TCF12: variants seen among roughly 807,000 people sequenced by gnomAD.
TCF12 encodes DNA-binding protein HTF4.
In TCF12, 45 loss-of-function variants were observed where a neutral mutation model predicts 86.0. The observed-to-expected ratio is 0.52, with a 90% confidence interval of 0.41 to 0.67. The LOEUF (loss-of-function observed/expected upper bound fraction) is 0.67, where lower values mean the gene tolerates loss of function less well. Among genes scored for constraint, TCF12 ranks in the 30% least tolerant of loss-of-function variants. The probability of loss-of-function intolerance (pLI) is 0.00; values close to 1 mark genes in which losing one functional copy is unlikely to be tolerated. For missense variants in TCF12, 881 were observed against 859.9 expected, an observed-to-expected ratio of 1.02 and a Z score of -0.31; for synonymous variants, 330 against 299.6, an observed-to-expected ratio of 1.10 and a Z score of -1.05.
At chr15:57,173,910 A>G (rs1315104454) in intron 6 of TCF12, among the ~76,000 whole-genome samples, 3 of 151,974 alleles carry the variant, frequency 2.0e-5, no homozygotes, top group African/African-American at 4.8e-5. Flanking sequence ...GTTTCACCAT[A>G]TTGGCCAGGC....
At chr15:57,134,699 T>C (rs2052390845) in intron 5 of TCF12, among the ~76,000 whole-genome samples, 1 of 152,200 alleles carries the variant, frequency 6.6e-6, no homozygotes, top group South Asian at 2.1e-4. Context: ...ATGAATCAGA[T>C]ACAATTAAGA....
In TCF12 at chr15:57,026,820, A is replaced by T. The variant is rs543916831; in HGVS notation, c.149-36930A>T. 3.9e-5 allele frequency among the ~76,000 whole-genome samples: 6 copies of T among 152,220 alleles called. No individual in the cohort carries two copies. In the South Asian group the frequency reaches 1.2e-3, roughly 32 times the overall value. ...CCCCTGCAGGTAACAAAATTTGTGG[A>T]TGCTGAAGGCCTTTATATAAAATGG... On this transcript the variant is annotated intron_variant, in intron 3 of 20. Coordinates refer to ENST00000333725, the MANE Select transcript of TCF12 (RefSeq NM_207037.2).
rs530253274 is a variant in TCF12, at chr15:57,094,187, C to T, written c.325+2296C>T. ...ATAGGCATGAGCCACCATGTCTGGC[C>T]CAGACCATACGTTTTATTTGTGAGT... is the stretch of plus-strand genomic sequence containing the variant. On this transcript the variant is annotated intron_variant, in intron 5 of 20. Transcript: ENST00000333725. Among the ~76,000 whole-genome samples, 26 of 152,160 alleles carry T rather than the reference C, an allele frequency of 1.7e-4. No individual in the cohort carries two copies. The East Asian group carries it at 3.3e-3, about 19-fold the overall frequency.
upstream of TCF12, chr15:56,918,455 C>T: frequency 2.9e-6 from 1 of 341,462 alleles, no homozygotes; most frequent in Non-Finnish European, 5.8e-6. Context: ...CATGCCCCTC[C>T]CCACCGGCCC....
At chr15:56,999,606 G>C (rs1176123105) in intron 3 of TCF12, among the ~76,000 whole-genome samples, 1 of 152,066 alleles carries the variant, frequency 6.6e-6, no homozygotes, top group South Asian at 2.1e-4. Flanking sequence ...GGGTGCAGTG[G>C]TTCATGCCTG....
chr15:57,259,282 A>C (rs1304120240), intron 16 of TCF12, among the ~76,000 whole-genome samples: 1 of 152,210 alleles, frequency 6.6e-6, no homozygotes, highest in African/African-American at 2.4e-5. Flanking sequence ...TCTTCAGATA[A>C]ATCAAAATCT....
chr15:56,988,814 A>G (rs2063314326), intron 3 of TCF12, among the ~76,000 whole-genome samples: 1 of 152,110 alleles, frequency 6.6e-6, no homozygotes, highest in African/African-American at 2.4e-5. Context: ...TTATTTATGG[A>G]TGGTAAAAGA....
At chr15:57,273,809 C>A (rs1466229557) in intron 19 of TCF12, among the ~76,000 whole-genome samples, 2 of 152,156 alleles carry the variant, frequency 1.3e-5, no homozygotes, top group African/African-American at 4.8e-5. Flanking sequence ...TTTGGGCTAA[C>A]ATACATCGGC....
At chr15:57,267,851 A>C (rs2060941669) in intron 18 of TCF12, among the ~76,000 whole-genome samples, 1 of 152,214 alleles carries the variant, frequency 6.6e-6, no homozygotes, top group Admixed American at 6.5e-5. Context: ...GACTTTGGGC[A>C]AGTCTTTGAG....
intron 1 of TCF12, chr15:56,919,389 G>GGGC (rs1391978622): frequency 2.6e-5 from 4 of 152,372 alleles, no homozygotes; most frequent in South Asian, 2.1e-4. Context: ...GGGGACGTCC[G>GGGC]GGCGGCGGCG....
intron 3 of TCF12, among the ~76,000 whole-genome samples, chr15:56,989,110 T>C (rs1022237689): frequency 6.6e-6 from 1 of 152,190 alleles, no homozygotes; most frequent in African/African-American, 2.4e-5. Flanking sequence ...CTAGCTTTTT[T>C]CTCTGCATAT....
intron 16 of TCF12, among the ~76,000 whole-genome samples, chr15:57,258,402 G>A (rs1171005288): frequency 1.3e-5 from 2 of 152,140 alleles, no homozygotes; most frequent in Non-Finnish European, 2.9e-5. Flanking sequence ...GCCCAACAAG[G>A]TAACTCCATC....
intron 5 of TCF12, among the ~76,000 whole-genome samples, chr15:57,157,258 G>GT (rs2054176255): frequency 6.6e-6 from 1 of 151,140 alleles, no homozygotes; most frequent in Admixed American, 6.6e-5. Flanking sequence ...TTTTTAAAGA[G>GT]TACACATTCA....
chr15:56,938,636 C>T (rs1004745044), intron 3 of TCF12, among the ~76,000 whole-genome samples: 19 of 137,754 alleles, frequency 1.4e-4, no homozygotes, highest in African/African-American at 4.2e-4. Context: ...CTGTCTGGTC[C>T]GAGACTTTTT....
chr15:57,211,743 CAGG>C (rs1189449444), intron 8 of TCF12, among the ~76,000 whole-genome samples: 5 of 152,174 alleles, frequency 3.3e-5, no homozygotes, highest in African/African-American at 1.2e-4. Flanking sequence ...CGCTTGAGGC[CAGG>C]AGTTCAAGAC....
intron 5 of TCF12, among the ~76,000 whole-genome samples, chr15:57,117,477 G>A (rs552010249): frequency 1.3e-5 from 2 of 152,304 alleles, no homozygotes; most frequent in East Asian, 1.9e-4. Flanking sequence ...TTTAAGCTCT[G>A]CCATGAATGA....
intron 3 of TCF12, among the ~76,000 whole-genome samples, chr15:56,965,768 T>C (rs983974209): frequency 5.3e-5 from 8 of 152,184 alleles, no homozygotes; most frequent in African/African-American, 1.9e-4. Context: ...GGATAGTTAT[T>C]CTCTTATTGC....
At chr15:56,987,531 A>G (rs527660984) in intron 3 of TCF12, among the ~76,000 whole-genome samples, 3 of 152,288 alleles carry the variant, frequency 2.0e-5, no homozygotes, top group South Asian at 4.1e-4. Context: ...GGGAGAGGAG[A>G]AAATTTCTTG....
chr15:57,063,896 T>G, intron 4 of TCF12, 73 bp downstream of exon 4: 1 of 1,146,714 alleles, frequency 8.7e-7, no homozygotes, highest in South Asian at 1.7e-5. Context: ...TATATGCTGT[T>G]TCTTATGAGA....
Sources: gnomAD v4.1 joint callset for allele counts (sites outside exome capture counted in the v4.1 genomes callset) on GRCh38, gnomAD v4.1.1 for gene constraint, MANE v1.5 for transcripts, NCBI Gene and HGNC (gene_info 2026-07-23, HGNC 2026-07-21) for gene names.